The following TRAPPC9 variants were observed in gnomAD, a reference collection of about 807,000 sequenced individuals.
TRAPPC9 encodes IKK2 binding protein.
A neutral mutation model predicts 124.0 loss-of-function variants in TRAPPC9; 83 were observed. The observed-to-expected ratio is 0.67, with a 90% CI of 0.56 to 0.80. TRAPPC9 has a LOEUF of 0.80. Ranked by LOEUF, TRAPPC9 falls within the 30% of genes least tolerant of loss-of-function variation. TRAPPC9 has a pLI of 0.00. For synonymous variants in TRAPPC9, 638 were observed against 617.5 expected (o/e 1.03, Z -0.49); for missense variants, 1,302 against 1,508.3 (o/e 0.86, Z 2.27).
intron 9 of TRAPPC9, among the ~76,000 whole-genome samples, chr8:140,326,145 G>A (rs1171122523): frequency 6.6e-6 from 1 of 151,838 alleles, no homozygotes; most frequent in African/African-American, 2.4e-5. Context: ...CCAGCACTTT[G>A]GGAGGCCGAG....
In TRAPPC9 at chr8:140,241,943, A is replaced by G. The variant is rs908357393; in HGVS notation, c.2431+10834T>C. On this transcript the variant is annotated intron_variant, in intron 16 of 22. Transcript: ENST00000438773. This position sits in a 1 kb window ranked among gnomAD's most constrained non-coding sequence, Gnocchi z 5.0. ...GGCAGCTACGTGGGAGACTCAGGGA[A>G]GGATGAGCTCGAGCTCTGCCACCAC... Among the ~76,000 whole-genome samples, 1 of 152,164 alleles carries G rather than the reference A, an allele frequency of 6.6e-6. No individual in the cohort carries two copies. Among genetic ancestry groups the G allele is most frequent in the African/African-American group, 2.4e-5 (1 of 41,440 alleles).
chr8:140,119,512 T>C (rs2060947884), intron 17 of TRAPPC9, among the ~76,000 whole-genome samples: 1 of 152,188 alleles, frequency 6.6e-6, no homozygotes, highest in African/African-American at 2.4e-5. Flanking sequence ...GCTTTCTTCT[T>C]CATGTACAAC....
intron 17 of TRAPPC9, among the ~76,000 whole-genome samples, chr8:140,212,660 T>C (rs1313361927): frequency 1.3e-5 from 2 of 152,224 alleles, no homozygotes; most frequent in Admixed American, 6.5e-5. Context: ...TTAGGTTTCC[T>C]GAAGGAAGAG....
chr8:139,850,149 C>G lies in TRAPPC9; in HGVS notation c.3055+35730G>C, dbSNP rs559590121. On this transcript the variant is annotated intron_variant, in intron 21 of 22. Coordinates refer to ENST00000438773, the MANE Select transcript of TRAPPC9 (RefSeq NM_001160372.4). ...ATGAAATTGCTCTGATATCTGTTTT[C>G]TCACCTCATACATATGACAAATGGG... Among the ~76,000 whole-genome samples the G allele has an allele frequency of 8.3e-4, 126 of 152,348 alleles. 1 individual carries two copies. Among genetic ancestry groups the G allele is most frequent in the African/African-American group, 2.4e-3 (99 of 41,572 alleles).
chr8:140,373,728 A>AT (rs1450243209), intron 7 of TRAPPC9, among the ~76,000 whole-genome samples: 1 of 151,560 alleles, frequency 6.6e-6, no homozygotes, highest in African/African-American at 2.4e-5. Flanking sequence ...AGTCTTTTTT[A>AT]TTTTAGACGT....
intron 17 of TRAPPC9, among the ~76,000 whole-genome samples, chr8:140,148,765 T>TA (rs1437160942): frequency 1.3e-5 from 2 of 152,198 alleles, no homozygotes; most frequent in African/African-American, 2.4e-5. Context: ...ACAGAAGGCA[T>TA]AAAAAACATT....
chr8:140,394,349 T>C (rs543938559), intron 7 of TRAPPC9, among the ~76,000 whole-genome samples: 36 of 152,290 alleles, frequency 2.4e-4, no homozygotes, highest in Non-Finnish European at 4.6e-4. Flanking sequence ...AATCTGATCA[T>C]AACACTTGCC....
intron 2 of TRAPPC9, among the ~76,000 whole-genome samples, chr8:140,447,808 G>C (rs1198087413): frequency 1.3e-5 from 2 of 152,158 alleles, no homozygotes; most frequent in African/African-American, 4.8e-5. Context: ...AAGAGCTGCA[G>C]GGGAGACAAG....
In TRAPPC9 at chr8:140,087,885, G is replaced by A. The variant is rs971015859; in HGVS notation, c.2557-63806C>T. ...AGAAAAACCCACCATCACTGACAAGGTCCTGGAGAGCAGGCTTCAGCTCCC... is the reference window on the plus strand; with the variant it reads ...AGAAAAACCCACCATCACTGACAAGATCCTGGAGAGCAGGCTTCAGCTCCC... On this transcript the variant is annotated intron_variant, in intron 17 of 22. Coordinates refer to ENST00000438773, the MANE Select transcript of TRAPPC9 (RefSeq NM_001160372.4). The surrounding 1 kb of genome is among the most constrained non-coding windows in gnomAD (Gnocchi z 4.6). Among the ~76,000 whole-genome samples, 5 of 151,972 alleles carry A rather than the reference G, an allele frequency of 3.3e-5. No homozygotes were observed. Among genetic ancestry groups the A allele is most frequent in the Non-Finnish European group, 5.9e-5 (4 of 68,018 alleles).
At chr8:140,035,236 AAC>A (rs1309413077) in intron 17 of TRAPPC9, among the ~76,000 whole-genome samples, 1 of 152,248 alleles carries the variant, frequency 6.6e-6, no homozygotes, top group African/African-American at 2.4e-5. Flanking sequence ...AGTTATGAGA[AAC>A]ACTCTCTGGC....
rs530201993 is a variant in TRAPPC9 at position 139,730,729 on chromosome 8, C to T, written c.*332G>A. 9.7e-5 allele frequency: 37 copies of T among 380,346 alleles called. 1 individual carries two copies. The highest frequency in any genetic ancestry group is 8.3e-4 in the South Asian group (29 of 34,858). 23.6% of individuals were successfully genotyped at this position (380,346 alleles called of 1,614,324 possible). ...CTCTGCTGGGATGAGCAGCACAGCACGGCTGGGGCCCCAGGTCACAGAAAT... is the reference window on the plus strand; with the variant it reads ...CTCTGCTGGGATGAGCAGCACAGCATGGCTGGGGCCCCAGGTCACAGAAAT... On this transcript the variant is annotated 3_prime_UTR_variant, in exon 23 of 23. Transcript: ENST00000438773.
chr8:140,052,436 AG>A (rs1207834433), intron 17 of TRAPPC9, among the ~76,000 whole-genome samples: 1 of 152,178 alleles, frequency 6.6e-6, no homozygotes, highest in East Asian at 1.9e-4. Context: ...CAAGAATTTG[AG>A]ACCAGCCTGG....
intron 17 of TRAPPC9, among the ~76,000 whole-genome samples, chr8:140,149,545 A>G (rs1480309435): frequency 6.6e-6 from 1 of 151,934 alleles, no homozygotes; most frequent in Non-Finnish European, 1.5e-5. Context: ...ACTTGAGCCC[A>G]GGAGGCGGAG....
At chr8:140,279,546 C>T (rs2065238436) in intron 14 of TRAPPC9, among the ~76,000 whole-genome samples, 1 of 152,020 alleles carries the variant, frequency 6.6e-6, no homozygotes, top group South Asian at 2.1e-4. Context: ...TCCACTGGAC[C>T]CTCCTCCTCC....
At chr8:140,227,929 C>G (rs1048982502) in intron 16 of TRAPPC9, among the ~76,000 whole-genome samples, 1 of 152,194 alleles carries the variant, frequency 6.6e-6, no homozygotes, top group Non-Finnish European at 1.5e-5. Flanking sequence ...TGGTCACTAC[C>G]CAGCAAAACT....
At chr8:140,017,690 T>C (rs529851941) in intron 18 of TRAPPC9, among the ~76,000 whole-genome samples, 5 of 152,324 alleles carry the variant, frequency 3.3e-5, no homozygotes, top group African/African-American at 1.2e-4. Flanking sequence ...TGTCAAGTTA[T>C]TTGTCTATTC....
chr8:140,114,752 A>G (rs985798075), intron 17 of TRAPPC9, among the ~76,000 whole-genome samples: 2 of 152,208 alleles, frequency 1.3e-5, no homozygotes, highest in African/African-American at 2.4e-5. Context: ...AGAACCGCAA[A>G]GCCTCCTCGG....
chr8:140,159,786 T>C (rs1434014811), intron 17 of TRAPPC9, among the ~76,000 whole-genome samples: 9 of 152,310 alleles, frequency 5.9e-5, no homozygotes, highest in Non-Finnish European at 1.5e-5. Flanking sequence ...AGGGCAGCCC[T>C]GTGTGGCCAA....
At chr8:140,286,093 G>A (rs920551189) in intron 13 of TRAPPC9, among the ~76,000 whole-genome samples, 2 of 152,242 alleles carry the variant, frequency 1.3e-5, no homozygotes, top group Non-Finnish European at 2.9e-5. Flanking sequence ...CCCATGCCGA[G>A]GAAGGCTCCC....
Sources: allele counts gnomAD v4.1 joint callset (sites outside exome capture counted in the v4.1 genomes callset), GRCh38; gene constraint gnomAD v4.1.1; non-coding constraint Gnocchi (gnomAD v3.1); transcripts MANE v1.5; gene names NCBI Gene and HGNC (gene_info 2026-07-23, HGNC 2026-07-21).